BCKDHB: variants seen among roughly 807,000 people sequenced by gnomAD.
BCKDHB encodes the protein branched chain keto acid dehydrogenase E1 subunit beta.
Under a neutral mutation model 48.5 loss-of-function variants are expected in BCKDHB, and 41 were observed. That is an observed-to-expected ratio of 0.85 (90% confidence interval 0.66 to 1.10). The LOEUF is 1.10. Ranked by LOEUF, BCKDHB falls within the 50% of genes least tolerant of loss-of-function variation. The pLI is 0.00. For missense variants in BCKDHB, 496 were observed against 494.2 expected (o/e 1.00, Z -0.03); for synonymous variants, 201 against 174.8 (o/e 1.15, Z -1.18).
At chr6:80,115,677 C>A (rs1287582232) in intron 1 of BCKDHB, among the ~76,000 whole-genome samples, 1 of 151,318 alleles carries the variant, frequency 6.6e-6, no homozygotes, top group Non-Finnish European at 1.5e-5. Context: ...CGCTCTGTCA[C>A]CCAGGCTGGA....
At chr6:80,133,045 A>C (rs925044250) in intron 3 of BCKDHB, among the ~76,000 whole-genome samples, 2 of 152,218 alleles carry the variant, frequency 1.3e-5, no homozygotes, top group Non-Finnish European at 2.9e-5. Context: ...CACTGCATTA[A>C]ATGACATAGC....
intron 9 of BCKDHB, among the ~76,000 whole-genome samples, chr6:80,325,933 A>G (rs1255108527): frequency 3.3e-5 from 5 of 152,206 alleles, no homozygotes; most frequent in African/African-American, 1.2e-4. Flanking sequence ...AAGGGATACT[A>G]AGGAAACAAG....
chr6:80,395,942 G>C, the BCKDHB span, among the ~76,000 whole-genome samples: 1 of 152,188 alleles, frequency 6.6e-6, no homozygotes, highest in African/African-American at 2.4e-5. Context: ...AAGCCTTGGT[G>C]GTTTACACGT....
the BCKDHB span, among the ~76,000 whole-genome samples, chr6:80,452,338 C>T: frequency 2.0e-5 from 3 of 152,160 alleles, no homozygotes; most frequent in Non-Finnish European, 4.4e-5. Context: ...AGAACAAATA[C>T]TTGAGAAAAA....
the BCKDHB span, among the ~76,000 whole-genome samples, chr6:80,371,552 G>A: frequency 1.3e-5 from 2 of 151,846 alleles, no homozygotes; most frequent in Admixed American, 6.6e-5. Flanking sequence ...TGATCAGGAA[G>A]TCTTTGTCTC....
chr6:80,150,804 G>C (rs1771737164), intron 3 of BCKDHB, among the ~76,000 whole-genome samples: 1 of 152,010 alleles, frequency 6.6e-6, no homozygotes, highest in African/African-American at 2.4e-5. Context: ...TGACCAGCCT[G>C]CCTTAGCCTC....
chr6:80,420,538 A>G, the BCKDHB span, among the ~76,000 whole-genome samples: 1 of 152,196 alleles, frequency 6.6e-6, no homozygotes, highest in African/African-American at 2.4e-5. Flanking sequence ...GCCAGCTACT[A>G]AGATCTGTAC....
At chr6:80,447,337 A>G in the BCKDHB span, among the ~76,000 whole-genome samples, 1 of 152,056 alleles carries the variant, frequency 6.6e-6, no homozygotes, top group East Asian at 1.9e-4. Context: ...TTGCCTTTTT[A>G]AAAACAGCTT....
chr6:80,182,045 C>T (rs1773437412), intron 6 of BCKDHB, among the ~76,000 whole-genome samples: 1 of 152,076 alleles, frequency 6.6e-6, no homozygotes, highest in Admixed American at 6.6e-5. Context: ...CATTTGATTA[C>T]AAGTCATGTT....
At chr6:80,347,370 C>T (rs1770261902), downstream of BCKDHB, among the ~76,000 whole-genome samples, 1 of 152,174 alleles carries the variant, frequency 6.6e-6, no homozygotes, top group African/African-American at 2.4e-5. Flanking sequence ...GATGCCAAAA[C>T]TCAGTATGGA....
intron 9 of BCKDHB, among the ~76,000 whole-genome samples, chr6:80,280,059 T>A (rs1296762190): frequency 6.6e-6 from 1 of 152,178 alleles, no homozygotes; most frequent in Non-Finnish European, 1.5e-5. Flanking sequence ...GTTTTGTGTG[T>A]TTAAAGACTA....
chr6:80,252,747 T>G (rs1776885328), intron 8 of BCKDHB, among the ~76,000 whole-genome samples: 1 of 152,228 alleles, frequency 6.6e-6, no homozygotes, highest in Non-Finnish European at 1.5e-5. Flanking sequence ...TGTATAAATC[T>G]GATACTATCT....
At chr6:80,276,473 T>A (rs143438749) in intron 9 of BCKDHB, among the ~76,000 whole-genome samples, 47 of 152,040 alleles carry the variant, frequency 3.1e-4, no homozygotes, top group African/African-American at 1.0e-3. Flanking sequence ...CTATATAAAA[T>A]TAAATATCAA....
At chr6:80,331,342 C>T (rs538997296) in intron 9 of BCKDHB, among the ~76,000 whole-genome samples, 1 of 152,284 alleles carries the variant, frequency 6.6e-6, no homozygotes, top group African/African-American at 2.4e-5. Flanking sequence ...ATAATAAAGA[C>T]AGCATATATT....
At position 80,227,995 on chromosome 6, in the gene BCKDHB, A is replaced by C. The variant is rs574627362; in HGVS notation, c.951+24783A>C. On this transcript the variant is annotated intron_variant, in intron 8 of 9. Transcript: ENST00000320393. ...TGGTGATTAGGCTTTTCAGAATGAC[A>C]TTGGGGTACACACTGAGCATACAGC... Among the ~76,000 whole-genome samples, 21 of 152,308 alleles carry C rather than the reference A, an allele frequency of 1.4e-4. No homozygotes were observed. The South Asian group carries it at 4.4e-3, about 32-fold the overall frequency.
At position 80,343,950 on chromosome 6, in the gene BCKDHB, T is replaced by C; in HGVS notation, c.*146T>C. ...GTAAAAGGCAACTTTCAGAAGAAAA[T>C]AATGTGCTTTAGAAAAAAAATTCAA... On this transcript the variant is annotated 3_prime_UTR_variant, in exon 10 of 10. Transcript: ENST00000320393. The C allele has an allele frequency of 3.0e-6, 3 of 1,014,042 alleles. No homozygotes were observed. The highest frequency in any genetic ancestry group is 4.5e-6 in the Non-Finnish European group (3 of 663,002). The allele number at this position is 1,014,042 out of a possible 1,614,324, so 62.8% of individuals were successfully genotyped here.
chr6:80,107,289 G>T (rs1279284698), intron 1 of BCKDHB, among the ~76,000 whole-genome samples: 6 of 141,736 alleles, frequency 4.2e-5, no homozygotes, highest in African/African-American at 1.6e-4. Flanking sequence ...GCATTTAAAA[G>T]ATATATATAT....
chr6:80,314,152 TG>T (rs1262163035), intron 9 of BCKDHB, among the ~76,000 whole-genome samples: 1 of 152,238 alleles, frequency 6.6e-6, no homozygotes, highest in African/African-American at 2.4e-5. Flanking sequence ...TTGCATTTAC[TG>T]AGGAGTGTTT....
intron 9 of BCKDHB, among the ~76,000 whole-genome samples, chr6:80,278,020 C>A (rs913684151): frequency 4.6e-5 from 7 of 152,030 alleles, no homozygotes; most frequent in African/African-American, 1.7e-4. Context: ...TTAAAGATAT[C>A]AATCTGAAAA....
Sources: gnomAD v4.1 joint callset for allele counts (sites outside exome capture counted in the v4.1 genomes callset) on GRCh38, gnomAD v4.1.1 for gene constraint, MANE v1.5 for transcripts, NCBI Gene and HGNC (gene_info 2026-07-23, HGNC 2026-07-21) for gene names.